LNPEP: variants seen among roughly 807,000 people sequenced by gnomAD.
The protein encoded by LNPEP is leucyl-cystinyl aminopeptidase.
LNPEP carries 64 observed loss-of-function variants against 120.6 expected under a neutral mutation model. The observed-to-expected ratio is 0.53, with a 90% confidence interval of 0.43 to 0.65. The LOEUF (loss-of-function observed/expected upper bound fraction) is 0.65. Among genes scored for constraint, LNPEP ranks in the 30% least tolerant of loss-of-function variants. LNPEP has a pLI of 0.00. For synonymous variants in LNPEP, 435 were observed against 425.4 expected (o/e 1.02, Z -0.28); for missense variants, 1,057 against 1,200.0 (o/e 0.88, Z 1.76).
At chr5:96,953,943 C>T (rs1789381622) in intron 1 of LNPEP, among the ~76,000 whole-genome samples, 1 of 152,098 alleles carries the variant, frequency 6.6e-6, no homozygotes, top group South Asian at 2.1e-4. Context: ...TTGCTTTTAT[C>T]CTTGAGGTTA....
intron 9 of LNPEP, among the ~76,000 whole-genome samples, chr5:97,004,511 C>CAAAA (rs200476030): frequency 4.2e-5 from 3 of 71,640 alleles, no homozygotes. Flanking sequence ...GACTCTGTCT[C>CAAAA]AAAAAAAAAA....
intron 1 of LNPEP, among the ~76,000 whole-genome samples, chr5:96,963,325 T>C (rs927142627): frequency 2.0e-5 from 3 of 152,208 alleles, no homozygotes; most frequent in African/African-American, 7.2e-5. Flanking sequence ...CCATTTTCTT[T>C]GCTCATGATT....
Position 97,029,127 on chromosome 5 carries a change from G to T in LNPEP, c.*594G>T, listed in dbSNP as rs79818663. On this transcript the variant is annotated 3_prime_UTR_variant, in exon 18 of 18. Coordinates refer to ENST00000231368, the MANE Select transcript of LNPEP (RefSeq NM_005575.3). Reference sequence around the variant, plus strand: ...TTTAAATAATGTCTGTAACTATTGTGTTTTTTTCCTGCCGAATAGCCAGGT... The same window carrying T: ...TTTAAATAATGTCTGTAACTATTGTTTTTTTTTCCTGCCGAATAGCCAGGT... The T allele has an allele frequency of 0.038, 5,723 of 152,260 alleles. 185 individuals are homozygous for T. The highest frequency in any genetic ancestry group is 0.11 in the Middle Eastern group (33 of 294). 9.4% of individuals were successfully genotyped at this position (152,260 alleles called of 1,614,324 possible).
intron 9 of LNPEP, among the ~76,000 whole-genome samples, chr5:97,005,817 A>G (rs1790765418): frequency 6.6e-6 from 1 of 152,104 alleles, no homozygotes. Flanking sequence ...CCACTTCTCA[A>G]CCTAGTGCCT....
intron 3 of LNPEP, among the ~76,000 whole-genome samples, chr5:96,985,570 G>A (rs1287681821): frequency 1.3e-5 from 2 of 152,100 alleles, no homozygotes; most frequent in African/African-American, 4.8e-5. Context: ...TTATTTGAGA[G>A]TGTTGAATAA....
At chr5:96,993,613 G>C (rs967134807) in intron 5 of LNPEP, among the ~76,000 whole-genome samples, 7 of 152,172 alleles carry the variant, frequency 4.6e-5, no homozygotes, top group African/African-American at 1.7e-4. Flanking sequence ...CAGTGGAACA[G>C]TGACTCTAAA....
chr5:96,953,636 A>G (rs1420596208), intron 1 of LNPEP, among the ~76,000 whole-genome samples: 1 of 152,242 alleles, frequency 6.6e-6, no homozygotes, highest in African/African-American at 2.4e-5. Context: ...ATGTTGCCAT[A>G]TATAAAAATG....
chr5:97,014,045 A>G (rs1297022173), intron 12 of LNPEP, among the ~76,000 whole-genome samples: 1 of 152,166 alleles, frequency 6.6e-6, no homozygotes, highest in Non-Finnish European at 1.5e-5. Flanking sequence ...GGATTTAATA[A>G]TAATTCAAGA....
chr5:96,954,727 T>C (rs1561430102), intron 1 of LNPEP, among the ~76,000 whole-genome samples: 2 of 107,638 alleles, frequency 1.9e-5, no homozygotes, highest in African/African-American at 3.6e-5. Flanking sequence ...TATATACATA[T>C]ATATATACAT....
At chr5:96,997,852 A>G (rs1717159601) in intron 7 of LNPEP, among the ~76,000 whole-genome samples, 162 bp from the exon 8 acceptor site, 2 of 152,254 alleles carry the variant, frequency 1.3e-5, no homozygotes, top group South Asian at 4.1e-4. Flanking sequence ...GAAGTTTACA[A>G]TCTTCCTACA....
At chr5:96,959,267 T>C (rs894987349) in intron 1 of LNPEP, among the ~76,000 whole-genome samples, 1 of 152,178 alleles carries the variant, frequency 6.6e-6, no homozygotes, top group African/African-American at 2.4e-5. Flanking sequence ...GAGTAATGAT[T>C]AATATGTTGA....
At chr5:96,956,766 A>G (rs1215565515) in intron 1 of LNPEP, among the ~76,000 whole-genome samples, 8 of 152,254 alleles carry the variant, frequency 5.3e-5, no homozygotes, top group East Asian at 1.9e-4. Context: ...CTCCGACTGC[A>G]TATGTTTTAG....
intron 1 of LNPEP, among the ~76,000 whole-genome samples, chr5:96,940,975 A>C (rs767207289): frequency 6.6e-6 from 1 of 152,178 alleles, no homozygotes. Flanking sequence ...CATTATATTT[A>C]TTGTGCACTT....
intron 14 of LNPEP, among the ~76,000 whole-genome samples, chr5:97,023,619 C>T (rs1440902706): frequency 6.6e-6 from 1 of 152,092 alleles, no homozygotes; most frequent in Non-Finnish European, 1.5e-5. Flanking sequence ...TTTTGTTTAT[C>T]CATTCATTCC....
At chr5:96,957,273 C>T (rs1046579107) in intron 1 of LNPEP, among the ~76,000 whole-genome samples, 2 of 152,168 alleles carry the variant, frequency 1.3e-5, no homozygotes, top group African/African-American at 4.8e-5. Flanking sequence ...GATCACCCTG[C>T]TCAGGTTCAG....
intron 11 of LNPEP, among the ~76,000 whole-genome samples, chr5:97,012,462 T>C (rs1790958896): frequency 6.6e-6 from 1 of 152,192 alleles, no homozygotes; most frequent in Non-Finnish European, 1.5e-5. Context: ...GATTTAAAAC[T>C]ATTTATTGTG....
intron 11 of LNPEP, 63 bp downstream of exon 11, chr5:97,006,578 A>G: frequency 1.1e-6 from 1 of 872,966 alleles, no homozygotes. Flanking sequence ...ATCAGAGTGC[A>G]TATATAAGAT....
intron 11 of LNPEP, among the ~76,000 whole-genome samples, chr5:97,007,929 A>G (rs1031453539): frequency 1.3e-5 from 2 of 152,234 alleles, no homozygotes; most frequent in African/African-American, 4.8e-5. Context: ...CCTGAAATAC[A>G]TGAATGTGCC....
At chr5:96,981,236 GAC>G (rs1790116578) in intron 2 of LNPEP, among the ~76,000 whole-genome samples, 1 of 151,700 alleles carries the variant, frequency 6.6e-6, no homozygotes, top group South Asian at 2.1e-4. Context: ...AAGAGAGAAA[GAC>G]AAAAAAATGG....
Sources: gnomAD v4.1 joint callset for allele counts (sites outside exome capture counted in the v4.1 genomes callset) on GRCh38, gnomAD v4.1.1 for gene constraint, MANE v1.5 for transcripts, NCBI Gene and HGNC (gene_info 2026-07-23, HGNC 2026-07-21) for gene names.